Variants in PCDHGA7 observed in about 807,000 individuals in gnomAD.
The protein encoded by PCDHGA7 is protocadherin gamma-A7.
A neutral mutation model predicts 58.3 loss-of-function variants in PCDHGA7; 44 were observed. The observed-to-expected ratio is 0.75, with a 90% CI of 0.59 to 0.97. PCDHGA7 has a LOEUF of 0.97. Among genes scored for constraint, PCDHGA7 ranks in the 50% least tolerant of loss-of-function variants. The probability of loss-of-function intolerance (pLI) is 0.00; values close to 1 mark genes in which losing one functional copy is unlikely to be tolerated. For missense variants in PCDHGA7, 1,266 were observed against 1,188.7 expected, an observed-to-expected ratio of 1.06 and a Z score of -0.96; for synonymous variants, 516 against 504.2, an observed-to-expected ratio of 1.02 and a Z score of -0.31.
chr5:141,399,735 T>A (rs909521642), intron 1 of PCDHGA7: 1 of 1,613,198 alleles, frequency 6.2e-7, no homozygotes, highest in African/African-American at 1.3e-5. Flanking sequence ...AGGGCTCGCC[T>A]GCGCTCAGCG....
chr5:141,435,181 T>C (rs1249878603), intron 1 of PCDHGA7, among the ~76,000 whole-genome samples: 1 of 152,184 alleles, frequency 6.6e-6, no homozygotes, highest in African/African-American at 2.4e-5. Context: ...TTAACTACAC[T>C]TGAGATGGCT....
In PCDHGA7 at chr5:141,476,824, C is replaced by A; in HGVS notation, c.2425-17983C>A. On this transcript the variant is annotated intron_variant, in intron 1 of 3. Coordinates refer to ENST00000518325, the MANE Select transcript of PCDHGA7 (RefSeq NM_018920.4). This position sits in a 1 kb window ranked among gnomAD's most constrained non-coding sequence, Gnocchi z 7.6. Reference sequence around the variant, plus strand: ...TGCCTATTCACATCAAGGTGCTGGACGCGAATGACAATGCGCCTGTCTTCA... The same window carrying A: ...TGCCTATTCACATCAAGGTGCTGGAAGCGAATGACAATGCGCCTGTCTTCA... The A allele has an allele frequency of 1.2e-6, 2 of 1,613,588 alleles. No individual in the cohort carries two copies. The highest frequency in any genetic ancestry group is 1.7e-6 in the Non-Finnish European group (2 of 1,180,036).
chr5:141,478,774 G>T (rs1019315910), intron 1 of PCDHGA7: 1 of 1,496,268 alleles, frequency 6.7e-7, no homozygotes, highest in African/African-American at 1.4e-5. Flanking sequence ...ACTCATCTGT[G>T]GACCTAATTC....
intron 1 of PCDHGA7, among the ~76,000 whole-genome samples, chr5:141,451,804 C>G (rs914303400): frequency 9.2e-5 from 14 of 151,946 alleles, no homozygotes; most frequent in African/African-American, 3.4e-4. Context: ...TTGCTTGAAC[C>G]CAGGAGGCGG....
intron 1 of PCDHGA7, chr5:141,413,717 A>C: frequency 6.2e-7 from 1 of 1,613,382 alleles, no homozygotes; most frequent in Non-Finnish European, 8.5e-7. Flanking sequence ...CCCAATAAGC[A>C]CTTCTCCCTA....
At chr5:141,404,205 A>G in intron 1 of PCDHGA7, 3 of 1,613,770 alleles carry the variant, frequency 1.9e-6, no homozygotes, top group Non-Finnish European at 1.7e-6. Context: ...GCCTCAGAAT[A>G]TAATATCACG....
intron 1 of PCDHGA7, chr5:141,426,713 AC>A: frequency 2.2e-6 from 1 of 445,196 alleles, no homozygotes; most frequent in Middle Eastern, 3.3e-4. Flanking sequence ...AAATCAATGA[AC>A]TAGCAATTCC....
In PCDHGA7 at chr5:141,511,086, G is replaced by A. The variant is rs2099883600; in HGVS notation, c.2712G>A (p.Leu904=). The A allele has an allele frequency of 1.2e-6, 2 of 1,614,062 alleles. No individual in the cohort carries two copies. The highest frequency in any genetic ancestry group is 2.2e-5 in the East Asian group (1 of 44,886). The change falls in exon 4 of 4, where the codon CTG becomes CTA. Residue 904 remains leucine (L), a synonymous_variant. Transcript: ENST00000518325. ...ACATCCCAGGCAGCAATGCCACACT[G>A]ACCAACGCAGCTGGCAAGCGGGATG... is the stretch of plus-strand genomic sequence containing the variant. The part of the protein sequence containing the change: ...NVYIPGSNAT[L]TNAAGKRDGK...
rs567174433 is a variant in PCDHGA7, at chr5:141,443,351, G to A, written c.2425-51456G>A. On this transcript the variant is annotated intron_variant, in intron 1 of 3. Coordinates refer to ENST00000518325, the MANE Select transcript of PCDHGA7 (RefSeq NM_018920.4). ...AAAACAAAAATTAACAAGGTTTAGT[G>A]GTCCATGCCTGTGGTCTCAGCTACT... 6.6e-5 allele frequency among the ~76,000 whole-genome samples: 10 copies of A among 152,072 alleles called. No homozygotes were observed. The South Asian group carries it at 2.1e-3, about 32-fold the overall frequency.
rs1185679701 is a variant in PCDHGA7, at chr5:141,511,384, G to A, written c.*211G>A. On this transcript the variant is annotated 3_prime_UTR_variant, in exon 4 of 4. Coordinates refer to ENST00000518325, the MANE Select transcript of PCDHGA7 (RefSeq NM_018920.4). ...TTGAATATGCAAAAGCAGTTCCGCT[G>A]GGAACCCCCATCCAATCAACTGCTG... is the stretch of plus-strand genomic sequence containing the variant. 3.5e-6 allele frequency: 4 copies of A among 1,154,490 alleles called. No homozygotes were observed. Among genetic ancestry groups the A allele is most frequent in the Admixed American group, 2.9e-5 (1 of 34,748 alleles). 71.5% of individuals were successfully genotyped at this position (1,154,490 alleles called of 1,614,324 possible). A position where few individuals can be genotyped will look rare whatever the true frequency, so the allele number is the denominator to read the frequency against.
chr5:141,477,258 C>A lies in PCDHGA7; in HGVS notation c.2425-17549C>A. ...TTGCTCAGTGTGACTGACCTGGATG[C>A]TGGCGAGAACGGGCTGGTGACCTGC... On this transcript the variant is annotated intron_variant, in intron 1 of 3. Coordinates refer to ENST00000518325, the MANE Select transcript of PCDHGA7 (RefSeq NM_018920.4). The surrounding 1 kb of genome is among the most constrained non-coding windows in gnomAD (Gnocchi z 4.9). 6.2e-7 allele frequency: 1 copy of A among 1,614,208 alleles called. No homozygotes were observed. Among genetic ancestry groups the A allele is most frequent in the Non-Finnish European group, 8.5e-7 (1 of 1,180,042 alleles).
chr5:141,485,882 G>C lies in PCDHGA7; in HGVS notation c.2425-8925G>C. 6.2e-7 allele frequency: 1 copy of C among 1,614,146 alleles called. No homozygotes were observed. On this transcript the variant is annotated intron_variant, in intron 1 of 3. Transcript: ENST00000518325. The surrounding 1 kb of genome is among the most constrained non-coding windows in gnomAD (Gnocchi z 5.7). ...CCGGGTATCCGTGCTGGACGTAAACGACAACGCCCCAGCCTTCCAGCAATC... is the reference window on the plus strand; with the variant it reads ...CCGGGTATCCGTGCTGGACGTAAACCACAACGCCCCAGCCTTCCAGCAATC...
At position 141,418,922 on chromosome 5, in the gene PCDHGA7, C is replaced by G. The variant is rs180948941; in HGVS notation, c.2424+33599C>G. The G allele has an allele frequency of 3.7e-6, 6 of 1,613,994 alleles. 1 individual carries two copies. In the Admixed American group the frequency reaches 6.7e-5, roughly 18 times the overall value. On this transcript the variant is annotated intron_variant, in intron 1 of 3. Coordinates refer to ENST00000518325, the MANE Select transcript of PCDHGA7 (RefSeq NM_018920.4). ...AATAATCATCACGTCACTCTCTGAT[C>G]AGATTATGGAGGATTCCCCTCCAGG...
In PCDHGA7 at chr5:141,485,961, A is replaced by C. The variant is rs766687554; in HGVS notation, c.2425-8846A>C. ...GCACCAGCGGGCATGGTGCTCATCC[A>C]GCTCAATGCCTCAGACCCGGACCTG... On this transcript the variant is annotated intron_variant, in intron 1 of 3. Coordinates refer to ENST00000518325, the MANE Select transcript of PCDHGA7 (RefSeq NM_018920.4). The surrounding 1 kb of genome is among the most constrained non-coding windows in gnomAD (Gnocchi z 5.7). 6.2e-7 allele frequency: 1 copy of C among 1,614,204 alleles called. No homozygotes were observed. The highest frequency in any genetic ancestry group is 1.1e-5 in the South Asian group (1 of 91,090).
At chr5:141,451,468 C>G (rs2098716484) in intron 1 of PCDHGA7, among the ~76,000 whole-genome samples, 1 of 152,202 alleles carries the variant, frequency 6.6e-6, no homozygotes, top group South Asian at 2.1e-4. Context: ...AGGTCTACCT[C>G]AGTTCCTTGC....
intron 1 of PCDHGA7, among the ~76,000 whole-genome samples, chr5:141,436,839 A>G (rs1247924864): frequency 6.6e-6 from 1 of 152,260 alleles, no homozygotes; most frequent in African/African-American, 2.4e-5. Flanking sequence ...GTGCCTAGGC[A>G]CATTCTTGAT....
chr5:141,415,873 G>A lies in PCDHGA7; in HGVS notation c.2424+30550G>A, dbSNP rs905638480. The A allele has an allele frequency of 9.6e-6, 10 of 1,046,220 alleles. No homozygotes were observed. In the East Asian group the frequency reaches 1.8e-4, roughly 19 times the overall value. The allele number at this position is 1,046,220 out of a possible 1,614,324, so 64.8% of individuals were successfully genotyped here. A position where few individuals can be genotyped will look rare whatever the true frequency, so the allele number is the denominator to read the frequency against. On this transcript the variant is annotated intron_variant, in intron 1 of 3. Transcript: ENST00000518325. ...ACCTTGTAGTTTATAGTGTTGTTGA[G>A]TACAATATTGACAATTCCTAAGACA...
chr5:141,421,578 T>G, intron 1 of PCDHGA7: 1 of 1,613,886 alleles, frequency 6.2e-7, no homozygotes, highest in Non-Finnish European at 8.5e-7. Flanking sequence ...CCTTGAAGAT[T>G]TACGGAGTGG....
rs763875742 is a variant in PCDHGA7 at position 141,384,393 on chromosome 5, G to A, written c.1494G>A (p.Gly498=). The A allele has an allele frequency of 1.2e-6, 2 of 1,613,790 alleles. No homozygotes were observed. Among genetic ancestry groups the A allele is most frequent in the Non-Finnish European group, 1.7e-6 (2 of 1,179,900 alleles). ...TYSLAEDTIQ[G]APVSSYVSIN... is the part of the protein sequence containing the mutation. ...CCTTGGCCGAAGACACCATCCAGGG[G>A]GCTCCAGTGTCCTCCTATGTCTCCA... The change falls in exon 1 of 4, where the codon GGG becomes GGA. Residue 498 remains glycine, a synonymous_variant. Transcript: ENST00000518325.
Sources: gnomAD v4.1 joint callset for allele counts (sites outside exome capture counted in the v4.1 genomes callset) on GRCh38, gnomAD v4.1.1 for gene constraint, Gnocchi (gnomAD v3.1) non-coding constraint, MANE v1.5 for transcripts, NCBI Gene and HGNC (gene_info 2026-07-23, HGNC 2026-07-21) for gene names.